Variants in SV2C observed in about 807,000 individuals in gnomAD.
SV2C encodes solute carrier family 22 member B3.
Under a neutral mutation model 79.7 loss-of-function variants are expected in SV2C, and 49 were observed. That is an observed-to-expected ratio of 0.61 (90% CI 0.49 to 0.78). The LOEUF is 0.78. Among genes scored for constraint, SV2C ranks in the 30% least tolerant of loss-of-function variants. The pLI is 0.00. For missense variants in SV2C, 833 were observed against 912.9 expected, an observed-to-expected ratio of 0.91 and a Z score of 1.13; for synonymous variants, 334 against 333.2, an observed-to-expected ratio of 1.00 and a Z score of -0.03.
chr5:75,903,775 G>A, the SV2C span, among the ~76,000 whole-genome samples: 1 of 152,140 alleles, frequency 6.6e-6, no homozygotes, highest in Non-Finnish European at 1.5e-5. Context: ...CTTCAACTTT[G>A]TAAATTGTTG....
chr5:76,172,310 C>G (rs1251143294), intron 2 of SV2C, among the ~76,000 whole-genome samples: 1 of 86,372 alleles, frequency 1.2e-5, no homozygotes, highest in Non-Finnish European at 2.5e-5. Context: ...TCAGCCCCCC[C>G]GCCCAGCCAG....
the SV2C span, among the ~76,000 whole-genome samples, chr5:75,992,600 G>C: frequency 6.6e-6 from 1 of 151,934 alleles, no homozygotes; most frequent in Non-Finnish European, 1.5e-5. Flanking sequence ...TCAATGATTG[G>C]TCATTGCACA....
the SV2C span, among the ~76,000 whole-genome samples, chr5:76,071,054 T>C: frequency 6.6e-6 from 1 of 152,166 alleles, no homozygotes; most frequent in South Asian, 2.1e-4. Flanking sequence ...CCACCTCCCG[T>C]GGGATGAATG....
chr5:76,090,710 C>A (rs1028270376), intron 1 of SV2C, among the ~76,000 whole-genome samples: 1 of 152,148 alleles, frequency 6.6e-6, no homozygotes, highest in African/African-American at 2.4e-5. Flanking sequence ...CCAGGAACAC[C>A]AGCAGCTTGA....
chr5:75,869,261 A>G, the SV2C span, among the ~76,000 whole-genome samples: 1 of 152,094 alleles, frequency 6.6e-6, no homozygotes, highest in East Asian at 1.9e-4. Context: ...ACCCTAGGCC[A>G]GAGGGGAGCC....
In SV2C at chr5:76,238,027, TACACACACACAC is replaced by T. The variant is rs796926428; in HGVS notation, c.913+28168_913+28179del. ...ACATACATATACACACAATCACACA[TACACACACACAC>T]ACACACACACACACACACACACACA... On this transcript the variant is annotated intron_variant, in intron 4 of 12. Coordinates refer to ENST00000502798, the MANE Select transcript of SV2C (RefSeq NM_014979.4). Among the ~76,000 whole-genome samples, 200 of 122,922 alleles carry T rather than the reference TACACACACACAC, an allele frequency of 1.6e-3. 1 individual carries two copies. The Middle Eastern group carries it at 0.025, about 15-fold the overall frequency. The allele number at this position is 122,922 out of a possible 152,430, so 80.6% of individuals were successfully genotyped here. A position where few individuals can be genotyped will look rare whatever the true frequency, so the allele number is the denominator to read the frequency against.
chr5:75,873,729 T>G, the SV2C span, among the ~76,000 whole-genome samples: 1 of 152,072 alleles, frequency 6.6e-6, no homozygotes, highest in Non-Finnish European at 1.5e-5. Flanking sequence ...GAAGTAAATG[T>G]TACCATTGAC....
intron 2 of SV2C, among the ~76,000 whole-genome samples, chr5:76,164,522 C>T (rs948427205): frequency 6.6e-6 from 1 of 152,178 alleles, no homozygotes; most frequent in African/African-American, 2.4e-5. Flanking sequence ...ATTTTATATG[C>T]CCACAGTTTG....
chr5:75,893,810 T>C, the SV2C span, among the ~76,000 whole-genome samples: 36 of 152,074 alleles, frequency 2.4e-4, no homozygotes, highest in Non-Finnish European at 4.4e-4. Flanking sequence ...TACCCTGCCA[T>C]ATGAAAGCAG....
intron 4 of SV2C, among the ~76,000 whole-genome samples, chr5:76,273,149 A>C (rs987223061): frequency 7.6e-6 from 1 of 132,418 alleles, no homozygotes; most frequent in Non-Finnish European, 1.6e-5. Flanking sequence ...CAAAAAAGAT[A>C]TATATATATA....
chr5:76,336,550 G>A (rs1335215336), downstream of SV2C, among the ~76,000 whole-genome samples: 1 of 152,194 alleles, frequency 6.6e-6, no homozygotes, highest in Non-Finnish European at 1.5e-5. Flanking sequence ...GCGGCTGGGA[G>A]GTGGAGGCCG....
chr5:76,233,149 C>A lies in SV2C; in HGVS notation c.913+23262C>A, dbSNP rs1745484264. 6.5e-5 allele frequency among the ~76,000 whole-genome samples: 9 copies of A among 138,122 alleles called. 1 individual carries two copies. The South Asian group carries it at 2.0e-3, about 31-fold the overall frequency. The allele number at this position is 138,122 out of a possible 152,430, so 90.6% of individuals were successfully genotyped here. A position where few individuals can be genotyped will look rare whatever the true frequency, so the allele number is the denominator to read the frequency against. On this transcript the variant is annotated intron_variant, in intron 4 of 12. Coordinates refer to ENST00000502798, the MANE Select transcript of SV2C (RefSeq NM_014979.4). Reference sequence around the variant, plus strand: ...GTTTGTAGTTCTCCTTGAAGAGGTCCTTCACATCCCTTGTAAGTTGGATTC... The same window carrying A: ...GTTTGTAGTTCTCCTTGAAGAGGTCATTCACATCCCTTGTAAGTTGGATTC...
intron 12 of SV2C, among the ~76,000 whole-genome samples, chr5:76,307,053 A>G (rs1261789662): frequency 6.6e-6 from 1 of 152,030 alleles, no homozygotes; most frequent in African/African-American, 2.4e-5. Flanking sequence ...GTTGCTTTTC[A>G]GGTTTTTTCT....
chr5:75,865,422 G>C, the SV2C span, among the ~76,000 whole-genome samples: 4 of 152,242 alleles, frequency 2.6e-5, no homozygotes, highest in African/African-American at 9.6e-5. Flanking sequence ...ACTCATGCTT[G>C]GTTTATAGAT....
At chr5:76,250,167 A>G (rs1434005536) in intron 4 of SV2C, among the ~76,000 whole-genome samples, 1 of 152,086 alleles carries the variant, frequency 6.6e-6, no homozygotes, top group Non-Finnish European at 1.5e-5. Context: ...TCTCTTCTCC[A>G]TGTCATTCTG....
intron 12 of SV2C, among the ~76,000 whole-genome samples, chr5:76,313,094 G>T (rs768953199): frequency 1.3e-5 from 2 of 152,158 alleles, no homozygotes; most frequent in Non-Finnish European, 2.9e-5. Flanking sequence ...TTTAAATGAG[G>T]AGTATGAAAT....
chr5:76,183,941 A>G, intron 2 of SV2C, among the ~76,000 whole-genome samples: 1 of 152,032 alleles, frequency 6.6e-6, no homozygotes, highest in East Asian at 1.9e-4. Flanking sequence ...AGCATAATGT[A>G]CTCACCTTAA....
the SV2C span, among the ~76,000 whole-genome samples, chr5:75,863,684 G>C: frequency 6.6e-6 from 1 of 152,222 alleles, no homozygotes; most frequent in African/African-American, 2.4e-5. Context: ...CAACTATTTG[G>C]TTCTGACTTG....
chr5:75,929,448 C>T, the SV2C span, among the ~76,000 whole-genome samples: 1 of 151,850 alleles, frequency 6.6e-6, no homozygotes, highest in South Asian at 2.1e-4. Flanking sequence ...CCTCTATGGC[C>T]TCTAGGAATG....
Sources: gnomAD v4.1 joint callset for allele counts (sites outside exome capture counted in the v4.1 genomes callset) on GRCh38, gnomAD v4.1.1 for gene constraint, MANE v1.5 for transcripts, NCBI Gene and HGNC (gene_info 2026-07-23, HGNC 2026-07-21) for gene names.